Variants in CHIC1 observed in about 807,000 individuals in gnomAD.
CHIC1 encodes cysteine-rich hydrophobic domain-containing protein 1.
CHIC1 carries 7 observed loss-of-function variants against 18.5 expected under a neutral mutation model. The observed-to-expected ratio is 0.38, with a 90% CI of 0.22 to 0.71. CHIC1 has a LOEUF of 0.71. CHIC1 is among the 30% of genes least tolerant of loss of function. CHIC1 has a pLI of 0.49. For synonymous variants in CHIC1, 77 were observed against 73.5 expected, an observed-to-expected ratio of 1.05 and a Z score of -0.25; for missense variants, 159 against 176.9, an observed-to-expected ratio of 0.90 and a Z score of 0.57.
At chrX:73,598,796 G>C (rs1196876842) in intron 3 of CHIC1, among the ~76,000 whole-genome samples, 1 of 110,613 alleles carries the variant, frequency 9.0e-6, no homozygotes, top group Non-Finnish European at 1.9e-5. Flanking sequence ...AAACATACAT[G>C]TGCATGTGTC....
At chrX:73,655,545 T>C (rs758428076) in intron 3 of CHIC1, among the ~76,000 whole-genome samples, 1 of 69,550 alleles carries the variant, frequency 1.4e-5, no homozygotes, top group Admixed American at 1.9e-4. Context: ...TATACATATA[T>C]ATACAATATT....
chrX:73,577,586 A>C, intron 2 of CHIC1, 125 bp downstream of exon 2: 1 of 515,161 alleles, frequency 1.9e-6, no homozygotes, highest in Middle Eastern at 4.5e-4. Flanking sequence ...CAGTAGTTGG[A>C]AGCTGTGTTT....
At position 73,687,055 on chromosome X, in the gene CHIC1, T is replaced by G. The variant is rs1265164977; in HGVS notation, c.*6050T>G. 6.3e-5 allele frequency: 7 copies of G among 111,777 alleles called. No homozygotes were observed. Among genetic ancestry groups the G allele is most frequent in the African/African-American group, 1.3e-4 (4 of 30,818 alleles). 9.2% of individuals were successfully genotyped at this position (111,777 alleles called of 1,213,427 possible). A position where few individuals can be genotyped will look rare whatever the true frequency, so the allele number is the denominator to read the frequency against. ...CATTGTTCACTTGTCAGATAAAATT[T>G]TATTATCTCAGGATGCAAATTTAAA... On this transcript the variant is annotated 3_prime_UTR_variant, in exon 6 of 6. Coordinates refer to ENST00000373502, the MANE Select transcript of CHIC1 (RefSeq NM_001039840.4).
chrX:73,651,709 C>T (rs985570130), intron 3 of CHIC1, among the ~76,000 whole-genome samples: 1 of 111,050 alleles, frequency 9.0e-6, no homozygotes, highest in Non-Finnish European at 1.9e-5. Flanking sequence ...TCAAGGAGAA[C>T]TACAAACCAC....
intron 3 of CHIC1, among the ~76,000 whole-genome samples, chrX:73,663,404 G>C (rs990635443): frequency 1.8e-5 from 2 of 110,830 alleles, no homozygotes; most frequent in Admixed American, 9.6e-5. Flanking sequence ...TTATTAGAAA[G>C]GGGTCTGCAG....
At chrX:73,679,588 CA>C (rs2058087527) in intron 4 of CHIC1, 65 bp from the exon 5 acceptor site, 1 of 738,773 alleles carries the variant, frequency 1.4e-6, no homozygotes, top group South Asian at 3.1e-5. Context: ...GTGATTTATT[CA>C]AATGTATAGG....
intron 3 of CHIC1, among the ~76,000 whole-genome samples, chrX:73,674,643 T>C (rs1214435430): frequency 1.8e-5 from 2 of 111,716 alleles, no homozygotes; most frequent in African/African-American, 6.5e-5. Flanking sequence ...TATTAGTCTT[T>C]CTAGCGGTCT....
chrX:73,675,597 C>T (rs2058057691), intron 3 of CHIC1, among the ~76,000 whole-genome samples: 1 of 111,590 alleles, frequency 9.0e-6, no homozygotes, highest in African/African-American at 3.3e-5. Flanking sequence ...GATCTTCCTC[C>T]ATCCCTTTAT....
chrX:73,631,291 G>A (rs1270225230), intron 3 of CHIC1, among the ~76,000 whole-genome samples: 2 of 110,159 alleles, frequency 1.8e-5, no homozygotes, highest in East Asian at 5.7e-4. Flanking sequence ...CTAACTTTGG[G>A]CTTGCTTTAT....
chrX:73,587,054 G>A (rs2147553681), intron 3 of CHIC1, among the ~76,000 whole-genome samples: 1 of 111,743 alleles, frequency 8.9e-6, no homozygotes, highest in East Asian at 2.9e-4. Context: ...TGGCCTATGG[G>A]CTGTTGTTTG....
chrX:73,598,610 C>T (rs1466037810), intron 3 of CHIC1, among the ~76,000 whole-genome samples: 1 of 107,635 alleles, frequency 9.3e-6, no homozygotes, highest in African/African-American at 3.4e-5. Flanking sequence ...CGATAGTTTA[C>T]TGAGAATGAT....
chrX:73,677,796 T>G (rs924519771), intron 3 of CHIC1, among the ~76,000 whole-genome samples: 7 of 112,081 alleles, frequency 6.2e-5, no homozygotes, highest in African/African-American at 2.3e-4. Context: ...GTACCTTAGT[T>G]GGAAATGCAG....
intron 3 of CHIC1, among the ~76,000 whole-genome samples, chrX:73,638,432 A>G (rs1336607360): frequency 1.8e-5 from 2 of 111,706 alleles, no homozygotes; most frequent in Non-Finnish European, 3.8e-5. Context: ...CCTCATTCAG[A>G]CCAAGAATTC....
At chrX:73,601,643 T>G (rs1342858986) in intron 3 of CHIC1, among the ~76,000 whole-genome samples, 1 of 101,406 alleles carries the variant, frequency 9.9e-6, no homozygotes, top group Non-Finnish European at 2.0e-5. Context: ...ACATCACAAT[T>G]AAAAGAACTA....
rs2058105863 is a variant in CHIC1, at chrX:73,683,112, G to A, written c.*2107G>A. 9.0e-6 allele frequency: 1 copy of A among 110,839 alleles called. No individual in the cohort carries two copies. The highest frequency in any genetic ancestry group is 3.3e-5 in the African/African-American group (1 of 30,589). The allele number at this position is 110,839 out of a possible 1,213,427, so 9.1% of individuals were successfully genotyped here. On this transcript the variant is annotated 3_prime_UTR_variant, in exon 6 of 6. Transcript: ENST00000373502. Reference sequence around the variant, plus strand: ...GGTTTTGCTCAAAGAACAGCATGAAGTGGTGAATTGTTTCCATGAAACAAT... The same window carrying A: ...GGTTTTGCTCAAAGAACAGCATGAAATGGTGAATTGTTTCCATGAAACAAT...
chrX:73,656,827 A>C (rs1190347353), intron 3 of CHIC1, among the ~76,000 whole-genome samples: 1 of 111,559 alleles, frequency 9.0e-6, no homozygotes, highest in African/African-American at 3.3e-5. Context: ...AGTTTTTCTA[A>C]GTCTGTGAAG....
chrX:73,666,185 A>G (rs1339569928), intron 3 of CHIC1, among the ~76,000 whole-genome samples: 1 of 112,073 alleles, frequency 8.9e-6, no homozygotes. Flanking sequence ...TCCCACCACC[A>G]TAACCAATCT....
intron 3 of CHIC1, among the ~76,000 whole-genome samples, chrX:73,599,902 G>A (rs2057634204): frequency 1.0e-5 from 1 of 97,950 alleles, no homozygotes; most frequent in African/African-American, 4.3e-5. Flanking sequence ...GGATGGCATT[G>A]AATCTGTAAA....
chrX:73,637,774 T>A (rs1025213731), intron 3 of CHIC1, among the ~76,000 whole-genome samples: 1 of 111,891 alleles, frequency 8.9e-6, no homozygotes, highest in African/African-American at 3.2e-5. Flanking sequence ...ATTTTTGTAT[T>A]TATGTTTTTC....
Sources: gnomAD v4.1 joint callset for allele counts (sites outside exome capture counted in the v4.1 genomes callset) on GRCh38, gnomAD v4.1.1 for gene constraint, MANE v1.5 for transcripts, NCBI Gene and HGNC (gene_info 2026-07-23, HGNC 2026-07-21) for gene names.